RGS6: variants seen among roughly 807,000 people sequenced by gnomAD.
The protein encoded by RGS6 is regulator of G-protein signaling 6.
In RGS6, 30 loss-of-function variants were observed where a neutral mutation model predicts 78.5. The ratio of observed to expected loss-of-function variants is 0.38; its 90% CI spans 0.29 to 0.52. The LOEUF is 0.52. Among genes scored for constraint, RGS6 ranks in the 20% least tolerant of loss-of-function variants. The pLI, the probability that RGS6 is intolerant of heterozygous loss-of-function variation, is 0.85. For missense variants in RGS6, 495 were observed against 609.7 expected (o/e 0.81, Z 1.98); for synonymous variants, 206 against 206.0 (o/e 1.00, Z 0.00).
intron 3 of RGS6, among the ~76,000 whole-genome samples, chr14:72,452,902 T>C (rs2095531232): frequency 6.6e-6 from 1 of 152,174 alleles, no homozygotes; most frequent in South Asian, 2.1e-4. Context: ...GGTCACATTT[T>C]CAAAGAGAGG....
chr14:71,890,731 G>A, the RGS6 span, among the ~76,000 whole-genome samples: 8 of 152,052 alleles, frequency 5.3e-5, no homozygotes, highest in African/African-American at 1.7e-4. Context: ...CCCACACATC[G>A]CATGAGTCAC....
At chr14:72,169,863 C>T (rs962083979) in intron 2 of RGS6, among the ~76,000 whole-genome samples, 1 of 152,204 alleles carries the variant, frequency 6.6e-6, no homozygotes, top group Non-Finnish European at 1.5e-5. Flanking sequence ...GAATCTTTAA[C>T]CTTCTCCTAG....
intron 1 of RGS6, among the ~76,000 whole-genome samples, chr14:71,945,615 T>C (rs2091390265): frequency 6.6e-6 from 1 of 152,222 alleles, no homozygotes; most frequent in African/African-American, 2.4e-5. Flanking sequence ...ATCTGACTCA[T>C]TGTCAAGAGA....
chr14:71,938,679 G>A (rs1228038662), intron 1 of RGS6, among the ~76,000 whole-genome samples: 4 of 152,136 alleles, frequency 2.6e-5, no homozygotes, highest in African/African-American at 4.8e-5. Context: ...GTCAGATCAC[G>A]TATATACCAC....
chr14:71,941,216 C>T (rs1263051930), intron 1 of RGS6, among the ~76,000 whole-genome samples: 1 of 152,156 alleles, frequency 6.6e-6, no homozygotes, highest in African/African-American at 2.4e-5. Context: ...GCTAAACTCC[C>T]TGCCTCTCAT....
chr14:72,063,745 T>C (rs1178088100), intron 2 of RGS6, among the ~76,000 whole-genome samples: 1 of 152,080 alleles, frequency 6.6e-6, no homozygotes, highest in African/African-American at 2.4e-5. Context: ...AGTTAAGGCA[T>C]TGCATGTTCT....
At chr14:72,451,502 G>T (rs181325119) in intron 3 of RGS6, among the ~76,000 whole-genome samples, 2 of 152,042 alleles carry the variant, frequency 1.3e-5, no homozygotes, top group African/African-American at 2.4e-5. Context: ...GGGGTGGTTG[G>T]GGGGAGCGGA....
chr14:72,275,594 A>G (rs1012914431), intron 2 of RGS6, among the ~76,000 whole-genome samples: 3 of 152,196 alleles, frequency 2.0e-5, no homozygotes, highest in African/African-American at 7.2e-5. Context: ...CAATTATTCT[A>G]TTTCTGTAGG....
At chr14:72,623,373 G>A in the RGS6 span, among the ~76,000 whole-genome samples, 1 of 152,114 alleles carries the variant, frequency 6.6e-6, no homozygotes, top group Non-Finnish European at 1.5e-5. Flanking sequence ...CCAATTGGTA[G>A]CATAACCACA....
At chr14:72,517,761 C>T (rs2096970256) in intron 14 of RGS6, among the ~76,000 whole-genome samples, 2 of 152,140 alleles carry the variant, frequency 1.3e-5, no homozygotes, top group African/African-American at 4.8e-5. Context: ...TTTATGATTC[C>T]AGGACACTGC....
At chr14:72,388,952 A>AG (rs2089161007) in intron 3 of RGS6, among the ~76,000 whole-genome samples, 1 of 150,386 alleles carries the variant, frequency 6.6e-6, no homozygotes, top group African/African-American at 2.5e-5. Flanking sequence ...GATTCCCATT[A>AG]TTAGTAGTAG....
intron 2 of RGS6, among the ~76,000 whole-genome samples, chr14:72,146,109 C>G (rs1310689640): frequency 6.6e-6 from 1 of 152,136 alleles, no homozygotes; most frequent in Non-Finnish European, 1.5e-5. Flanking sequence ...GGCAGGAAAG[C>G]AAGAGAGCAC....
chr14:72,548,371 G>T (rs952186778), intron 17 of RGS6, among the ~76,000 whole-genome samples: 6 of 151,256 alleles, frequency 4.0e-5, no homozygotes, highest in African/African-American at 1.5e-4. Context: ...GTGTGTGTGT[G>T]TTTTAAATTC....
At chr14:72,100,440 A>C (rs974432248) in intron 2 of RGS6, among the ~76,000 whole-genome samples, 3 of 152,164 alleles carry the variant, frequency 2.0e-5, no homozygotes, top group African/African-American at 4.8e-5. Flanking sequence ...GGTTACAGTG[A>C]GCCAAGATTG....
chr14:72,023,270 T>C (rs112735857), intron 2 of RGS6, among the ~76,000 whole-genome samples: 7 of 152,242 alleles, frequency 4.6e-5, no homozygotes, highest in African/African-American at 1.7e-4. Flanking sequence ...GGAGCTCCTT[T>C]TTCTAAATTG....
chr14:71,940,317 C>A (rs2090312758), intron 1 of RGS6, among the ~76,000 whole-genome samples: 1 of 152,138 alleles, frequency 6.6e-6, no homozygotes, highest in South Asian at 2.1e-4. Flanking sequence ...GTAGTGGAGT[C>A]CTTCCTTAAG....
chr14:72,202,968 T>C (rs1209430902), intron 2 of RGS6, among the ~76,000 whole-genome samples: 2 of 151,916 alleles, frequency 1.3e-5, no homozygotes, highest in Non-Finnish European at 2.9e-5. Context: ...CGCAGGAGAA[T>C]GGTTCACGCC....
chr14:72,213,269 C>T (rs188587040), intron 2 of RGS6, among the ~76,000 whole-genome samples: 3 of 152,144 alleles, frequency 2.0e-5, no homozygotes, highest in Admixed American at 2.0e-4. Context: ...TCTATGAAAG[C>T]TTTTTTGATG....
the RGS6 span, among the ~76,000 whole-genome samples, chr14:72,624,333 C>CTTTTTTTTTTTTTTT: frequency 2.8e-4 from 27 of 97,802 alleles, no homozygotes; most frequent in African/African-American, 9.7e-4. Context: ...ACCTATGTCT[C>CTTTTTTTTTTTTTTT]TTTTTTTTTT....
Sources: gnomAD v4.1 joint callset for allele counts (sites outside exome capture counted in the v4.1 genomes callset) on GRCh38, gnomAD v4.1.1 for gene constraint, MANE v1.5 for transcripts, NCBI Gene and HGNC (gene_info 2026-07-23, HGNC 2026-07-21) for gene names.